Variants in CXXC5 observed in about 807,000 individuals in gnomAD.
The protein encoded by CXXC5 is CXXC finger protein 5.
CXXC5 carries 2 observed loss-of-function variants against 17.6 expected under a neutral mutation model. That is an observed-to-expected ratio of 0.11 (90% CI 0.05 to 0.36). CXXC5 has a LOEUF of 0.36. CXXC5 is among the 10% of genes least tolerant of loss of function. The pLI is 1.00. For synonymous variants in CXXC5, 171 were observed against 193.0 expected (o/e 0.89, Z 0.94); for missense variants, 343 against 458.3 (o/e 0.75, Z 2.30).
At chr5:139,674,667 T>C (rs1271979832) in intron 1 of CXXC5, among the ~76,000 whole-genome samples, 5 of 152,224 alleles carry the variant, frequency 3.3e-5, no homozygotes, top group Non-Finnish European at 1.5e-5. Flanking sequence ...ATGTATACTT[T>C]AATGTGGCAG....
intron 1 of CXXC5, among the ~76,000 whole-genome samples, chr5:139,676,101 C>T (rs1448689853): frequency 6.6e-6 from 1 of 151,410 alleles, no homozygotes; most frequent in Non-Finnish European, 1.5e-5. Flanking sequence ...ACCCATTACC[C>T]CCCACCTCCT....
rs1757177838 is a variant in CXXC5 at position 139,680,960 on chromosome 5, G to A, written c.437G>A (p.Ser146Asn). Residue 146 changes from serine to asparagine, a missense_variant, in exon 2 of 3, where the codon AGC (serine) becomes AAC (asparagine). Around this residue, in one of 4 missense-constraint regions of CXXC5, gnomAD observed 297 missense variants for 363.4 expected, o/e 0.82. Transcript: ENST00000302517. ...AGTGGTGCTGTGGCCAGCCTGCTGA[G>A]CAAGGCAGAGCGGGCCACGGAGCTG... ...HKSGAVASLL[S>N]KAERATELAA... The A allele has an allele frequency of 6.2e-7, 1 of 1,601,808 alleles. No individual in the cohort carries two copies. The highest frequency in any genetic ancestry group is 8.5e-7 in the Non-Finnish European group (1 of 1,179,948).
chr5:139,682,837 T>C (rs748429084), intron 2 of CXXC5, 26 bp from the exon 3 acceptor site: 21 of 1,584,836 alleles, frequency 1.3e-5, no homozygotes, highest in Non-Finnish European at 1.8e-5. Context: ...AACTCTCTCC[T>C]TGTTTTTGTC....
intron 1 of CXXC5, among the ~76,000 whole-genome samples, chr5:139,662,417 T>C (rs1755870689): frequency 6.6e-6 from 1 of 152,118 alleles, no homozygotes; most frequent in African/African-American, 2.4e-5. Context: ...AATAAGGATA[T>C]ACCCCTTTTC....
chr5:139,674,839 T>TAAC (rs1756690216), intron 1 of CXXC5, among the ~76,000 whole-genome samples: 1 of 152,082 alleles, frequency 6.6e-6, no homozygotes, highest in African/African-American at 2.4e-5. Context: ...AAAATTAAAA[T>TAAC]AATAATAATA....
intron 1 of CXXC5, among the ~76,000 whole-genome samples, chr5:139,675,075 A>G (rs1756705478): frequency 6.6e-6 from 1 of 152,174 alleles, no homozygotes; most frequent in Non-Finnish European, 1.5e-5. Flanking sequence ...ACGCTGGTTC[A>G]TGTGACTGTG....
Position 139,680,816 on chromosome 5 carries a change from G to A in CXXC5, c.293G>A (p.Gly98Asp). ...SGGSGGGSMMGGESADKATAA... is the reference protein window; with the variant it reads ...SGGSGGGSMMDGESADKATAA... ...GGTAGTGGCGGTGGCAGCATGATGG[G>A]CGGAGAGTCTGCTGACAAGGCCACT... is the stretch of plus-strand genomic sequence containing the variant. The change falls in exon 2 of 3, where the codon GGC becomes GAC. Residue 98 changes from glycine to aspartate, a missense_variant. By Grantham distance (94) the Gly-to-Asp change is moderately conservative (BLOSUM62 -1). Around this residue, in one of 4 missense-constraint regions of CXXC5, gnomAD observed 297 missense variants for 363.4 expected, o/e 0.82. Transcript: ENST00000302517. 1 of 1,612,624 alleles carries A rather than the reference G, an allele frequency of 6.2e-7. No homozygotes were observed.
chr5:139,651,579 G>A (rs1435421842), intron 1 of CXXC5, among the ~76,000 whole-genome samples: 1 of 152,212 alleles, frequency 6.6e-6, no homozygotes, highest in African/African-American at 2.4e-5. Flanking sequence ...GGGCAGGCTT[G>A]TATCTGGGTG....
chr5:139,680,831 A>G lies in CXXC5; in HGVS notation c.308A>G (p.Asp103Gly), dbSNP rs1416693890. The change falls in exon 2 of 3, where the codon GAC becomes GGC. Residue 103 changes from aspartate to glycine, a missense_variant. Transcript: ENST00000302517. ...AGCATGATGGGCGGAGAGTCTGCTG[A>G]CAAGGCCACTGCGGCTGCAGCCGCT... ...GGSMMGGESA[D>G]KATAAAAAAS... The G allele has an allele frequency of 1.9e-6, 3 of 1,612,168 alleles. No homozygotes were observed. Among genetic ancestry groups the G allele is most frequent in the Non-Finnish European group, 2.5e-6 (3 of 1,180,000 alleles).
At chr5:139,651,722 G>A (rs1161644002) in intron 1 of CXXC5, among the ~76,000 whole-genome samples, 3 of 152,012 alleles carry the variant, frequency 2.0e-5, no homozygotes, top group Non-Finnish European at 4.4e-5. Flanking sequence ...TGACTTTCCA[G>A]GTTGCAGGAT....
At chr5:139,659,629 T>C (rs2126759650) in intron 1 of CXXC5, 1 of 152,312 alleles carries the variant, frequency 6.6e-6, no homozygotes, top group Non-Finnish European at 1.5e-5. Context: ...CAGATGCTGT[T>C]TCATCGGTCG....
chr5:139,665,387 C>T (rs1038036186), intron 1 of CXXC5, among the ~76,000 whole-genome samples: 3 of 152,250 alleles, frequency 2.0e-5, no homozygotes, highest in Non-Finnish European at 2.9e-5. Context: ...CTGGGCCGGC[C>T]ATGGGTCTCC....
chr5:139,672,506 G>A (rs897293776), intron 1 of CXXC5, among the ~76,000 whole-genome samples: 2 of 152,196 alleles, frequency 1.3e-5, no homozygotes, highest in Non-Finnish European at 2.9e-5. Context: ...CCTCTTCTAC[G>A]GTTCAGTCTC....
At chr5:139,675,512 C>T (rs954993446) in intron 1 of CXXC5, 4 of 152,190 alleles carry the variant, frequency 2.6e-5, no homozygotes, top group African/African-American at 9.7e-5. Flanking sequence ...ACAGCTTGCC[C>T]CCAACCACGG....
chr5:139,649,291 T>C (rs2126727994), intron 1 of CXXC5: 1 of 151,708 alleles, frequency 6.6e-6, no homozygotes, highest in Non-Finnish European at 1.5e-5. Flanking sequence ...CCCCCACTAC[T>C]CCAGTTCGCG....
chr5:139,670,119 G>A lies in CXXC5; in HGVS notation c.-160-10245G>A, dbSNP rs1429971348. ...CCGGAACCAGCCGGCTCGGCCCCAT[G>A]GCCCCTCTCGCCTCATTATTTTTGT... On this transcript the variant is annotated intron_variant, in intron 1 of 2. Coordinates refer to ENST00000302517, the MANE Select transcript of CXXC5 (RefSeq NM_016463.9). The surrounding 1 kb of genome is among the most constrained non-coding windows in gnomAD (Gnocchi z 4.2). Among the ~76,000 whole-genome samples, 1 of 152,216 alleles carries A rather than the reference G, an allele frequency of 6.6e-6. No individual in the cohort carries two copies. Among genetic ancestry groups the A allele is most frequent in the Non-Finnish European group, 1.5e-5 (1 of 68,028 alleles).
At chr5:139,655,296 G>A (rs1056271304) in intron 1 of CXXC5, among the ~76,000 whole-genome samples, 1 of 152,084 alleles carries the variant, frequency 6.6e-6, no homozygotes, top group African/African-American at 2.4e-5. Flanking sequence ...TCCGCCTCAG[G>A]GTTCCCCATT....
intron 1 of CXXC5, among the ~76,000 whole-genome samples, chr5:139,669,324 C>A (rs1756314345): frequency 6.6e-6 from 1 of 152,156 alleles, no homozygotes; most frequent in Non-Finnish European, 1.5e-5. Context: ...GCCCTGCATC[C>A]CCTCCTGCAA....
chr5:139,674,009 C>T (rs1174124389), intron 1 of CXXC5, among the ~76,000 whole-genome samples: 2 of 152,046 alleles, frequency 1.3e-5, no homozygotes, highest in Non-Finnish European at 2.9e-5. Context: ...CTTGTTCTGT[C>T]CTTGGCAGTC....
Sources: allele counts gnomAD v4.1 joint callset (sites outside exome capture counted in the v4.1 genomes callset), GRCh38; gene constraint gnomAD v4.1.1; regional missense constraint gnomAD v4.1.1; non-coding constraint Gnocchi (gnomAD v3.1); transcripts MANE v1.5; gene names NCBI Gene and HGNC (gene_info 2026-07-23, HGNC 2026-07-21).